Variants in BBS2 observed in about 807,000 individuals in gnomAD.
BBS2 encodes Bardet-Biedl syndrome 2, also known as BBSome complex member BBS2.
A neutral mutation model predicts 83.0 loss-of-function variants in BBS2; 62 were observed. The observed-to-expected ratio is 0.75, with a 90% CI of 0.61 to 0.92. The LOEUF is 0.92. BBS2 is among the 40% of genes least tolerant of loss of function. The pLI, the probability that BBS2 is intolerant of heterozygous loss-of-function variation, is 0.00. For synonymous variants in BBS2, 303 were observed against 326.1 expected (o/e 0.93, Z 0.76); for missense variants, 784 against 901.0 (o/e 0.87, Z 1.66).
chr16:56,519,805 C>A lies in BBS2; in HGVS notation c.58G>T (p.Ala20Ser). 2 of 1,613,768 alleles carry A rather than the reference C, an allele frequency of 1.2e-6. No homozygotes were observed. Among genetic ancestry groups the A allele is most frequent in the Non-Finnish European group, 1.7e-6 (2 of 1,179,814 alleles). Residue 20 changes from alanine (A) to serine (S), a missense_variant, in exon 1 of 17, where the codon GCC (alanine) becomes TCC (serine). Physicochemically the swap from Ala to Ser is moderately conservative, Grantham distance 99 (BLOSUM62 1). Transcript: ENST00000245157. ...LRHKISPRMVAIGRYDGTHPC... is the reference protein window; with the variant it reads ...LRHKISPRMVSIGRYDGTHPC... The stretch of plus-strand genomic sequence containing the variant: ...TGAGTCCCGTCGTAGCGCCCTATGG[C>A]CACCATTCGGGGGCTGATTTTGTGG...
rs1368647604 is a variant in BBS2, at chr16:56,511,227, GA to G, written c.402del (p.Ala136ArgfsTer65). 2.5e-6 allele frequency: 4 copies of G among 1,614,044 alleles called. No individual in the cohort carries two copies. Among genetic ancestry groups the G allele is most frequent in the African/African-American group, 1.3e-5 (1 of 75,050 alleles). Reference sequence around the variant, plus strand: ...GCACAATTGCCACCAATAATCGCAAGAGGGGAAGAAATGTCTCCCAATGTCC... The same window carrying G: ...GCACAATTGCCACCAATAATCGCAAGGGGGAAGAAATGTCTCCCAATGTCC... ...VLGTLGDISS[P>X]LAIIGGNCAL... is the part of the protein sequence containing the mutation. On this transcript the variant is annotated frameshift_variant, in exon 3 of 17. Coordinates refer to ENST00000245157, the MANE Select transcript of BBS2 (RefSeq NM_031885.5). LOFTEE classifies it high-confidence loss of function.
chr16:56,486,287 C>T (rs1963772751), intron 15 of BBS2, among the ~76,000 whole-genome samples: 1 of 152,210 alleles, frequency 6.6e-6, no homozygotes, highest in South Asian at 2.1e-4. Flanking sequence ...ACTACTTTGA[C>T]AGGTGATTTG....
At chr16:56,509,633 C>T (rs1374156589) in intron 5 of BBS2, 1 of 311,846 alleles carries the variant, frequency 3.2e-6, no homozygotes, top group Non-Finnish European at 6.2e-6. Context: ...ACTTAGAGCA[C>T]TACCTGGCAT....
chr16:56,488,717 C>T (rs1305796200), intron 15 of BBS2, among the ~76,000 whole-genome samples: 4 of 151,836 alleles, frequency 2.6e-5, no homozygotes, highest in Non-Finnish European at 5.9e-5. Flanking sequence ...AGCCCCTCTC[C>T]ACTCCCTGGA....
At position 56,514,595 on chromosome 16, in the gene BBS2, A is replaced by T; in HGVS notation, c.203T>A (p.Leu68His). The T allele has an allele frequency of 6.2e-7, 1 of 1,614,206 alleles. No individual in the cohort carries two copies. The highest frequency in any genetic ancestry group is 2.2e-5 in the East Asian group (1 of 44,882). Residue 68 changes from leucine (L) to histidine (H), a missense_variant, in exon 2 of 17, where the codon CTT becomes CAT. Physicochemically the swap from Leu to His is moderately conservative, Grantham distance 99. Coordinates refer to ENST00000245157, the MANE Select transcript of BBS2 (RefSeq NM_031885.5). Reference sequence around the variant, plus strand: ...GCTGACTGCCTGGTTAATGCTGAGAAGAGAAACATCAGATTCCAGGGGGCT... The same window carrying T: ...GCTGACTGCCTGGTTAATGCTGAGATGAGAAACATCAGATTCCAGGGGGCT... ...FQSPLESDVS[L>H]LSINQAVSCL...
intron 1 of BBS2, 55 bp downstream of exon 1, chr16:56,519,691 G>T: frequency 1.4e-6 from 2 of 1,433,658 alleles, no homozygotes; most frequent in Non-Finnish European, 2.0e-6. Context: ...GGCGCGGCCG[G>T]CGGAGATCCT....
chr16:56,484,843 A>G lies in BBS2; in HGVS notation c.2084T>C (p.Ile695Thr), dbSNP rs1426683547. 1.9e-6 allele frequency: 3 copies of G among 1,614,104 alleles called. No individual in the cohort carries two copies. Among genetic ancestry groups the G allele is most frequent in the Non-Finnish European group, 2.5e-6 (3 of 1,179,942 alleles). ...TCGAATTGCATCCCGACAAGCAGTG[A>G]TCACCTGGTTCTTTGGTTTTCCAAC... ...LRVGKPKNQV[I>T]TACRDAIRSN... Residue 695 changes from isoleucine (I) to threonine (T), a missense_variant, in exon 17 of 17, where the codon ATC becomes ACC. Physicochemically the swap from Ile to Thr is moderately conservative, Grantham distance 89. Coordinates refer to ENST00000245157, the MANE Select transcript of BBS2 (RefSeq NM_031885.5).
intron 1 of BBS2, among the ~76,000 whole-genome samples, chr16:56,519,251 A>C (rs779703085): frequency 4.6e-5 from 7 of 151,498 alleles, no homozygotes; most frequent in Non-Finnish European, 7.4e-5. Flanking sequence ...GAATTGCAGG[A>C]ACCCGGGAGG....
Position 56,498,555 on chromosome 16 carries a change from A to G in BBS2, c.1541T>C (p.Leu514Pro). 1 of 1,614,104 alleles carries G rather than the reference A, an allele frequency of 6.2e-7. No homozygotes were observed. Among genetic ancestry groups the G allele is most frequent in the Non-Finnish European group, 8.5e-7 (1 of 1,180,012 alleles). ...AERAQRVVVW[L>P]GQNFLLPEDT... ...TTCTGGTAACAGAAAGTTCTGACCGAGCCATACAACAACCTTGAAAATGAA... is the reference window on the plus strand; with the variant it reads ...TTCTGGTAACAGAAAGTTCTGACCGGGCCATACAACAACCTTGAAAATGAA... Residue 514 changes from leucine to proline, a missense_variant, in exon 13 of 17, where the codon CTC (leucine) becomes CCC (proline). By Grantham distance (98) the Leu-to-Pro change is moderately conservative. Coordinates refer to ENST00000245157, the MANE Select transcript of BBS2 (RefSeq NM_031885.5).
In BBS2 at chr16:56,502,310, C is replaced by T. The variant is rs1161249297; in HGVS notation, c.1080+7G>A. 10 of 1,614,100 alleles carry T rather than the reference C, an allele frequency of 6.2e-6. No individual in the cohort carries two copies. Among genetic ancestry groups the T allele is most frequent in the African/African-American group, 1.3e-5 (1 of 74,936 alleles). ...CATTACCTGGTCACATTAGGACCTACACCTACCTTGGCATTTTCCTCATAG... is the reference window on the plus strand; with the variant it reads ...CATTACCTGGTCACATTAGGACCTATACCTACCTTGGCATTTTCCTCATAG... On this transcript the variant is annotated splice_region_variant and intron_variant, in intron 9 of 16. Transcript: ENST00000245157.
intron 15 of BBS2, among the ~76,000 whole-genome samples, chr16:56,488,153 A>G (rs573301850): frequency 2.0e-5 from 3 of 152,282 alleles, no homozygotes; most frequent in African/African-American, 7.2e-5. Context: ...CACCACAACA[A>G]TCAACACAGA....
downstream of BBS2, among the ~76,000 whole-genome samples, chr16:56,479,929 G>A (rs1354248763): frequency 4.6e-5 from 7 of 152,238 alleles, no homozygotes; most frequent in African/African-American, 1.7e-4. Context: ...GTGGGTTGCA[G>A]CTTGTTCTCC....
chr16:56,476,138 T>C (rs757634047), intron 17 of BBS2: 1 of 1,613,898 alleles, frequency 6.2e-7, no homozygotes, highest in Admixed American at 1.7e-5. Context: ...CACCGAAGCC[T>C]GGAACAAAAG....
chr16:56,495,827 G>C (rs144880755), intron 15 of BBS2, among the ~76,000 whole-genome samples: 1 of 151,258 alleles, frequency 6.6e-6, no homozygotes, highest in African/African-American at 2.4e-5. Context: ...ATATTGAAAG[G>C]CCCTTTGTCT....
At chr16:56,503,900 C>T (rs1158855257) in intron 7 of BBS2, among the ~76,000 whole-genome samples, 2 of 142,594 alleles carry the variant, frequency 1.4e-5, no homozygotes, top group African/African-American at 2.7e-5. Flanking sequence ...GCCTGGGTGA[C>T]AAAGCGAGAC....
intron 15 of BBS2, among the ~76,000 whole-genome samples, chr16:56,495,323 A>G (rs1425759672): frequency 6.6e-5 from 10 of 152,220 alleles, no homozygotes; most frequent in African/African-American, 2.4e-4. Flanking sequence ...CATAAAAAGA[A>G]ACAATCAAAA....
chr16:56,488,003 G>A (rs953274620), intron 15 of BBS2, among the ~76,000 whole-genome samples: 12 of 152,178 alleles, frequency 7.9e-5, no homozygotes, highest in African/African-American at 2.9e-4. Context: ...TGCTGGTGGT[G>A]ATGGTTACAC....
At chr16:56,500,463 T>TA in intron 11 of BBS2, 1 of 259,358 alleles carries the variant, frequency 3.9e-6, no homozygotes, top group Non-Finnish European at 7.5e-6. Context: ...CTGTCTCTAC[T>TA]AAAAATACAA....
At chr16:56,472,107 A>G (rs1963220378) in intron 17 of BBS2, among the ~76,000 whole-genome samples, 1 of 151,864 alleles carries the variant, frequency 6.6e-6, no homozygotes, top group Non-Finnish European at 1.5e-5. Flanking sequence ...GATCACAGGC[A>G]TATGCCACCA....
Sources: allele counts gnomAD v4.1 joint callset (sites outside exome capture counted in the v4.1 genomes callset), GRCh38; gene constraint gnomAD v4.1.1; transcripts MANE v1.5; gene names NCBI Gene and HGNC (gene_info 2026-07-23, HGNC 2026-07-21).